Variants in SLK observed in about 807,000 individuals in gnomAD.
SLK encodes STE20-like serine/threonine-protein kinase.
Under a neutral mutation model 147.7 loss-of-function variants are expected in SLK, and 67 were observed. The observed-to-expected ratio is 0.45, with a 90% confidence interval of 0.37 to 0.56. SLK has a LOEUF of 0.56. Among genes scored for constraint, SLK ranks in the 20% least tolerant of loss-of-function variants. The pLI, the probability that SLK is intolerant of heterozygous loss-of-function variation, is 0.00. For missense variants in SLK, 1,136 were observed against 1,438.8 expected, an observed-to-expected ratio of 0.79 and a Z score of 3.41; for synonymous variants, 441 against 475.0, an observed-to-expected ratio of 0.93 and a Z score of 0.93.
rs1299604904 is a variant in SLK at position 103,999,931 on chromosome 10, A to G, written c.847A>G (p.Thr283Ala). The G allele has an allele frequency of 5.2e-6, 8 of 1,540,670 alleles. No homozygotes were observed. In the Admixed American group the frequency reaches 8.7e-5, roughly 17 times the overall value. The change falls in exon 7 of 19, where the codon ACA becomes GCA. Residue 283 changes from threonine (T) to alanine (A), a missense_variant. Around this residue, in one of 6 missense-constraint regions of SLK, gnomAD observed 141 missense variants for 219.3 expected, o/e 0.64. Transcript: ENST00000369755. ...LEKNVDARWT[T>A]SQLLQHPFVT... ...AAAGAATGTGGATGCCAGGTGGACT[A>G]CATCTCAGCTGCTGCAGGTAAGAGA... is the stretch of plus-strand genomic sequence containing the variant.
intron 4 of SLK, 124 bp downstream of exon 4, chr10:103,993,257 T>A: frequency 3.3e-6 from 2 of 597,608 alleles, no homozygotes; most frequent in East Asian, 6.5e-5. Context: ...AACTCCATGC[T>A]GGTTTTTAAA....
chr10:104,020,378 T>G lies in SLK; in HGVS notation c.3322-110T>G, dbSNP rs533812813. ...GGTTTGAGTCTCAGCATATTATTAC[T>G]TGTAGCTTCAGTTTATTGTGCCTTG... On this transcript the variant is annotated intron_variant, in intron 16 of 18. Transcript: ENST00000369755. 5 of 1,044,130 alleles carry G rather than the reference T, an allele frequency of 4.8e-6. No individual in the cohort carries two copies. In the East Asian group the frequency reaches 1.3e-4, roughly 28 times the overall value. The allele number at this position is 1,044,130 out of a possible 1,614,324, so 64.7% of individuals were successfully genotyped here.
chr10:103,974,888 C>G (rs181065643), intron 1 of SLK: 50 of 119,052 alleles, frequency 4.2e-4, no homozygotes, highest in African/African-American at 1.6e-3. Context: ...CCAGGATGGT[C>G]GCGATCTCTT....
Position 104,003,051 on chromosome 10 carries a change from G to C in SLK, c.1873G>C (p.Glu625Gln). Residue 625 changes from glutamate to glutamine, a missense_variant, in exon 9 of 19, where the codon GAG (glutamate) becomes CAG (glutamine). Glu to Gln is a conservative substitution (Grantham distance 29, BLOSUM62 2). Transcript: ENST00000369755. Reference sequence around the variant, plus strand: ...TAAGGAACAAGCAATAAACAGTTCAGAGAACATAATGGACATCAATGAGGA... The same window carrying C: ...TAAGGAACAAGCAATAAACAGTTCACAGAACATAATGGACATCAATGAGGA... The part of the protein sequence containing the change: ...KNKEQAINSS[E>Q]NIMDINEEPG... 1 of 1,613,996 alleles carries C rather than the reference G, an allele frequency of 6.2e-7. No individual in the cohort carries two copies. The highest frequency in any genetic ancestry group is 8.5e-7 in the Non-Finnish European group (1 of 1,179,908).
chr10:103,981,688 A>G (rs1234048854), intron 1 of SLK, among the ~76,000 whole-genome samples: 1 of 149,990 alleles, frequency 6.7e-6, no homozygotes, highest in African/African-American at 2.5e-5. Context: ...TCTGGTCTCT[A>G]TTCCATTGGT....
At position 103,967,800 on chromosome 10, in the gene SLK, A is replaced by C. The variant is rs137997569; in HGVS notation, c.55A>C (p.Lys19Gln). 418 of 1,614,074 alleles carry C rather than the reference A, an allele frequency of 2.6e-4. No individual in the cohort carries two copies. The highest frequency in any genetic ancestry group is 2.6e-4 in the Non-Finnish European group (301 of 1,179,892). ...IFKLGSEKKK[K>Q]QYEHVKRDLN... ...CAAGTTGGGGAGCGAGAAGAAGAAG[A>C]AGCAGTACGAACACGTGAAGAGGGA... The change falls in exon 1 of 19, where the codon AAG becomes CAG. Residue 19 changes from lysine to glutamine, a missense_variant. By Grantham distance (53) the Lys-to-Gln change is moderately conservative. Coordinates refer to ENST00000369755, the MANE Select transcript of SLK (RefSeq NM_014720.4).
At chr10:103,980,489 T>A (rs147268648) in intron 1 of SLK, among the ~76,000 whole-genome samples, 166 of 152,282 alleles carry the variant, frequency 1.1e-3, no homozygotes, top group African/African-American at 3.8e-3. Context: ...AGTAACTTCC[T>A]ATTTCTTCCT....
In SLK at chr10:103,973,040, A is replaced by C. The variant is rs544293513; in HGVS notation, c.150+5145A>C. Among the ~76,000 whole-genome samples the C allele has an allele frequency of 1.2e-3, 185 of 152,178 alleles. 1 individual carries two copies. Among genetic ancestry groups the C allele is most frequent in the African/African-American group, 4.3e-3 (179 of 41,532 alleles). On this transcript the variant is annotated intron_variant, in intron 1 of 18. Coordinates refer to ENST00000369755, the MANE Select transcript of SLK (RefSeq NM_014720.4). ...TTTATGAATTCTTTAACATGGTCCA[A>C]TTTGTTAGTTTTTTCCTTTACAGTT...
chr10:103,972,308 G>C (rs1463987309), intron 1 of SLK, among the ~76,000 whole-genome samples: 1 of 152,234 alleles, frequency 6.6e-6, no homozygotes, highest in East Asian at 1.9e-4. Context: ...TTATAGGGTA[G>C]TGTATCTTTA....
At chr10:103,988,310 C>T (rs188893020) in intron 1 of SLK, among the ~76,000 whole-genome samples, 33 of 152,286 alleles carry the variant, frequency 2.2e-4, no homozygotes, top group African/African-American at 7.9e-4. Flanking sequence ...GCCTTTCAAA[C>T]TCAAAGTGAT....
Position 104,002,376 on chromosome 10 carries a change from C to G in SLK, c.1198C>G (p.His400Asp), listed in dbSNP as rs746935721. 6.2e-7 allele frequency: 1 copy of G among 1,613,606 alleles called. No homozygotes were observed. Among genetic ancestry groups the G allele is most frequent in the South Asian group, 1.1e-5 (1 of 91,040 alleles). The change falls in exon 9 of 19, where the codon CAT (histidine) becomes GAT (aspartate). Residue 400 changes from histidine to aspartate, a missense_variant. Physicochemically the swap from His to Asp is moderately conservative, Grantham distance 81. Around this residue, in one of 6 missense-constraint regions of SLK, gnomAD observed 516 missense variants for 531.3 expected, o/e 0.97. Transcript: ENST00000369755. ...AAAGGCTGTGGAGGATATTAATGAA[C>G]ATATTACCGATGCTCAGTTAGAAGC... ...PEKAVEDINE[H>D]ITDAQLEAMT...
intron 2 of SLK, among the ~76,000 whole-genome samples, chr10:103,992,299 T>C (rs543118219): frequency 2.0e-4 from 30 of 152,124 alleles, no homozygotes; most frequent in Non-Finnish European, 3.7e-4. Context: ...GGTGACCAAA[T>C]AGCTGTGCAG....
At chr10:103,994,205 AACCAC>A (rs1844136491) in intron 4 of SLK, among the ~76,000 whole-genome samples, 1 of 152,138 alleles carries the variant, frequency 6.6e-6, no homozygotes, top group Admixed American at 6.5e-5. Context: ...AGATATAGAA[AACCAC>A]ACCAGAAATT....
At chr10:103,984,114 C>A (rs1422866714) in intron 1 of SLK, among the ~76,000 whole-genome samples, 2 of 152,050 alleles carry the variant, frequency 1.3e-5, no homozygotes, top group Admixed American at 1.3e-4. Context: ...CCTGTCTGGA[C>A]CCTAACTGAT....
At chr10:103,993,632 T>C (rs1844128885) in intron 4 of SLK, among the ~76,000 whole-genome samples, 1 of 152,212 alleles carries the variant, frequency 6.6e-6, no homozygotes, top group African/African-American at 2.4e-5. Context: ...ACGTAAGGAC[T>C]AGAATTTTTA....
chr10:104,001,530 T>A lies in SLK; in HGVS notation c.951T>A (p.Asp317Glu), dbSNP rs995644979. ...CTGAAGTAACAGAAGAAGTTGAAGATGGCAAAGAGGAAGATGAAGAGGAGG... is the reference window on the plus strand; with the variant it reads ...CTGAAGTAACAGAAGAAGTTGAAGAAGGCAAAGAGGAAGATGAAGAGGAGG... ...AKAEVTEEVEDGKEEDEEEET... is the reference protein window; with the variant it reads ...AKAEVTEEVEEGKEEDEEEET... The change falls in exon 8 of 19, where the codon GAT becomes GAA. Residue 317 changes from aspartate to glutamate, a missense_variant. Asp to Glu is a conservative substitution (Grantham distance 45). Transcript: ENST00000369755. 8.7e-6 allele frequency: 14 copies of A among 1,613,776 alleles called. No homozygotes were observed. The highest frequency in any genetic ancestry group is 1.2e-5 in the Non-Finnish European group (14 of 1,179,782).
At position 103,992,581 on chromosome 10, in the gene SLK, T is replaced by C; in HGVS notation, c.316-17T>C. On this transcript the variant is annotated splice_polypyrimidine_tract_variant and intron_variant, in intron 2 of 18. Coordinates refer to ENST00000369755, the MANE Select transcript of SLK (RefSeq NM_014720.4). ...GTAGTTTTAGACACACGCTTTTTTT[T>C]TTTTTTTTGCATGCAGATCCTCATT... 21 of 1,580,400 alleles carry C rather than the reference T, an allele frequency of 1.3e-5. No homozygotes were observed. Among genetic ancestry groups the C allele is most frequent in the Non-Finnish European group, 1.6e-5 (19 of 1,169,496 alleles).
chr10:104,022,500 A>G (rs1844548695), intron 18 of SLK, among the ~76,000 whole-genome samples: 1 of 152,206 alleles, frequency 6.6e-6, no homozygotes, highest in South Asian at 2.1e-4. Flanking sequence ...CTTCCTGCCT[A>G]CTGTACATTT....
Position 104,002,408 on chromosome 10 carries a change from T to G in SLK, c.1230T>G (p.Thr410=). 6.2e-7 allele frequency: 1 copy of G among 1,613,888 alleles called. No homozygotes were observed. The change falls in exon 9 of 19, where the codon ACT becomes ACG. Residue 410 remains threonine, a synonymous_variant. Transcript: ENST00000369755. ...HITDAQLEAM[T]ELHDRTAVIK... ...CCGATGCTCAGTTAGAAGCAATGAC[T>G]GAACTCCATGACAGAACAGCAGTAA...
Sources: allele counts gnomAD v4.1 joint callset (sites outside exome capture counted in the v4.1 genomes callset), GRCh38; gene constraint gnomAD v4.1.1; regional missense constraint gnomAD v4.1.1; transcripts MANE v1.5; gene names NCBI Gene and HGNC (gene_info 2026-07-23, HGNC 2026-07-21).